Variants in NLGN1 observed in about 807,000 individuals in gnomAD.
NLGN1 encodes neuroligin-1.
A neutral mutation model predicts 65.5 loss-of-function variants in NLGN1; 12 were observed. The ratio of observed to expected loss-of-function variants is 0.18; its 90% confidence interval spans 0.12 to 0.30. NLGN1 has a LOEUF of 0.30. NLGN1 is among the 10% of genes least tolerant of loss of function. The probability of loss-of-function intolerance (pLI) is 1.00; values close to 1 mark genes in which losing one functional copy is unlikely to be tolerated. For synonymous variants in NLGN1, 350 were observed against 359.5 expected (o/e 0.97, Z 0.30); for missense variants, 750 against 1,007.1 (o/e 0.74, Z 3.46).
At chr3:173,760,422 A>G (rs991426839) in intron 3 of NLGN1, among the ~76,000 whole-genome samples, 5 of 151,908 alleles carry the variant, frequency 3.3e-5, no homozygotes, top group African/African-American at 9.7e-5. Flanking sequence ...GTTTCATACA[A>G]TTTTAGAAAC....
At chr3:174,142,015 C>T (rs961112629) in intron 4 of NLGN1, among the ~76,000 whole-genome samples, 2 of 152,064 alleles carry the variant, frequency 1.3e-5, no homozygotes, top group African/African-American at 4.8e-5. Context: ...CCTATGTACC[C>T]TTCTAATCTC....
At chr3:173,482,252 A>G (rs1453002628) in intron 2 of NLGN1, among the ~76,000 whole-genome samples, 2 of 152,022 alleles carry the variant, frequency 1.3e-5, no homozygotes, top group East Asian at 3.9e-4. Flanking sequence ...TACATTTTTT[A>G]TAATTACACT....
chr3:173,805,825 A>G (rs761473855), intron 3 of NLGN1, among the ~76,000 whole-genome samples: 1 of 152,204 alleles, frequency 6.6e-6, no homozygotes, highest in Non-Finnish European at 1.5e-5. Context: ...CTGAAACTGT[A>G]TGTAGCAAAC....
chr3:173,475,204 C>G (rs1370243191), intron 2 of NLGN1, among the ~76,000 whole-genome samples: 1 of 152,090 alleles, frequency 6.6e-6, no homozygotes, highest in Non-Finnish European at 1.5e-5. Flanking sequence ...TATATAATTT[C>G]TAAACTAACG....
chr3:174,229,546 T>C (rs1397657590), intron 4 of NLGN1, among the ~76,000 whole-genome samples: 1 of 152,190 alleles, frequency 6.6e-6, no homozygotes, highest in East Asian at 1.9e-4. Context: ...TTCATTTAAT[T>C]TGAACATTGT....
At position 173,571,201 on chromosome 3, in the gene NLGN1, A is replaced by G. The variant is rs377089732; in HGVS notation, c.-320-33078A>G. Among the ~76,000 whole-genome samples, 17 of 152,316 alleles carry G rather than the reference A, an allele frequency of 1.1e-4. 1 individual carries two copies. The highest frequency in any genetic ancestry group is 2.0e-4 in the Admixed American group (3 of 15,296). Reference sequence around the variant, plus strand: ...GACCTCTGTGTGGCCATAGGGAGCCAATTTTTCTTAGCTGATTGTTTTAAT... The same window carrying G: ...GACCTCTGTGTGGCCATAGGGAGCCGATTTTTCTTAGCTGATTGTTTTAAT... On this transcript the variant is annotated intron_variant, in intron 2 of 6. Transcript: ENST00000457714.
chr3:173,556,381 A>G (rs1211179059), intron 2 of NLGN1, among the ~76,000 whole-genome samples: 1 of 152,154 alleles, frequency 6.6e-6, no homozygotes, highest in Non-Finnish European at 1.5e-5. Flanking sequence ...GCAAATCACA[A>G]ATTTCAATAT....
chr3:173,829,822 T>C (rs1179344642), intron 4 of NLGN1, among the ~76,000 whole-genome samples: 1 of 152,142 alleles, frequency 6.6e-6, no homozygotes, highest in African/African-American at 2.4e-5. Flanking sequence ...TTCCAAAAGT[T>C]GATATTCAGC....
At chr3:174,161,580 T>A (rs1323291195) in intron 4 of NLGN1, among the ~76,000 whole-genome samples, 4 of 151,792 alleles carry the variant, frequency 2.6e-5, no homozygotes, top group African/African-American at 9.7e-5. Context: ...TCTCTCCGAC[T>A]GACTAAAATT....
At chr3:173,929,449 A>G (rs1013817683) in intron 4 of NLGN1, among the ~76,000 whole-genome samples, 1 of 152,152 alleles carries the variant, frequency 6.6e-6, no homozygotes, top group African/African-American at 2.4e-5. Context: ...TGCCCACACA[A>G]TATCTGAAGT....
chr3:174,121,950 C>T (rs1217322070), intron 4 of NLGN1, among the ~76,000 whole-genome samples: 1 of 152,248 alleles, frequency 6.6e-6, no homozygotes, highest in East Asian at 1.9e-4. Context: ...GTAAATCAAG[C>T]AGACTTTTCT....
chr3:173,682,360 A>T (rs918185304), intron 3 of NLGN1, among the ~76,000 whole-genome samples: 11 of 151,946 alleles, frequency 7.2e-5, no homozygotes, highest in African/African-American at 2.7e-4. Context: ...AAGGCTGAAG[A>T]GGGTGGATCA....
At chr3:174,037,177 A>T (rs1423058643) in intron 4 of NLGN1, among the ~76,000 whole-genome samples, 2 of 152,152 alleles carry the variant, frequency 1.3e-5, no homozygotes, top group Admixed American at 1.3e-4. Context: ...GAATCACCAC[A>T]GTGTCTTCCA....
chr3:173,708,732 C>T (rs2149928045), intron 3 of NLGN1, among the ~76,000 whole-genome samples: 1 of 152,224 alleles, frequency 6.6e-6, no homozygotes, highest in South Asian at 2.1e-4. Context: ...GACCCAGGGG[C>T]CCACCTTGCC....
chr3:173,903,491 A>G (rs1011825536), intron 4 of NLGN1, among the ~76,000 whole-genome samples: 1 of 152,196 alleles, frequency 6.6e-6, no homozygotes, highest in Non-Finnish European at 1.5e-5. Flanking sequence ...TGTAAAACAT[A>G]AACATGTTTC....
chr3:173,735,395 G>A (rs1233032987), intron 3 of NLGN1, among the ~76,000 whole-genome samples: 1 of 152,094 alleles, frequency 6.6e-6, no homozygotes, highest in Non-Finnish European at 1.5e-5. Flanking sequence ...ATAGAGAAGA[G>A]AAGAGCAATG....
At chr3:173,639,812 G>A (rs927009705) in intron 3 of NLGN1, among the ~76,000 whole-genome samples, 8 of 152,138 alleles carry the variant, frequency 5.3e-5, no homozygotes, top group African/African-American at 1.9e-4. Context: ...TGTTCACTAA[G>A]CAATTGTCTG....
chr3:174,255,367 C>T (rs1012758154), intron 4 of NLGN1, among the ~76,000 whole-genome samples: 3 of 136,846 alleles, frequency 2.2e-5, no homozygotes, highest in African/African-American at 2.7e-5. Context: ...ACCTGGGAGG[C>T]GGAGCTTGCA....
chr3:173,991,873 C>T (rs201088789), intron 4 of NLGN1, among the ~76,000 whole-genome samples: 3 of 151,990 alleles, frequency 2.0e-5, no homozygotes, highest in Admixed American at 6.6e-5. Flanking sequence ...AGTGCAATGG[C>T]GCGATCTTGG....
Sources: gnomAD v4.1 joint callset for allele counts (sites outside exome capture counted in the v4.1 genomes callset) on GRCh38, gnomAD v4.1.1 for gene constraint, MANE v1.5 for transcripts, NCBI Gene and HGNC (gene_info 2026-07-23, HGNC 2026-07-21) for gene names.